Variants in MAP2K3 observed in about 807,000 individuals in gnomAD.
MAP2K3 encodes the protein dual specificity mitogen-activated protein kinase kinase 3.
MAP2K3 carries 30 observed loss-of-function variants against 46.4 expected under a neutral mutation model. That is an observed-to-expected ratio of 0.65 (90% CI 0.48 to 0.88). The LOEUF is 0.88. MAP2K3 is among the 40% of genes least tolerant of loss of function. MAP2K3 has a pLI of 0.00. For synonymous variants in MAP2K3, 189 were observed against 176.3 expected (o/e 1.07, Z -0.57); for missense variants, 380 against 464.5 (o/e 0.82, Z 1.67).
chr17:21,284,986 G>A lies in MAP2K3; in HGVS notation c.49+17G>A. 1.2e-6 allele frequency: 2 copies of A among 1,604,880 alleles called. No homozygotes were observed. The highest frequency in any genetic ancestry group is 1.1e-5 in the South Asian group (1 of 89,432). ...AGTCCAAAGGTAGGCGCTCCCGGCC[G>A]GGACCTCGGCCTGACCCCGCGCCTA... On this transcript the variant is annotated intron_variant, in intron 1 of 11. Transcript: ENST00000342679.
intron 1 of MAP2K3, among the ~76,000 whole-genome samples, chr17:21,290,737 G>A (rs1056321255): frequency 6.6e-6 from 1 of 152,312 alleles, no homozygotes; most frequent in African/African-American, 2.4e-5. Flanking sequence ...ATCATTTGAG[G>A]GCAGGAGTTC....
At chr17:21,298,046 A>ACCCCCGCTGGG (rs1976359890) in intron 1 of MAP2K3, among the ~76,000 whole-genome samples, 1 of 152,306 alleles carries the variant, frequency 6.6e-6, no homozygotes, top group African/African-American at 2.4e-5. Flanking sequence ...TGCTGGCTGG[A>ACCCCCGCTGGG]CCCCCGCTGG....
At chr17:21,295,723 G>A (rs1350320249) in intron 1 of MAP2K3, 3 of 1,289,452 alleles carry the variant, frequency 2.3e-6, no homozygotes, top group African/African-American at 1.5e-5. Context: ...CCTGCGAGGA[G>A]CGTGGTCCCC....
At chr17:21,298,611 A>C (rs1976403606) in intron 2 of MAP2K3, 132 bp downstream of exon 2, 2 of 1,464,204 alleles carry the variant, frequency 1.4e-6, no homozygotes, top group Admixed American at 1.7e-5. Flanking sequence ...CCTGCTGTGC[A>C]TACAGCCAGG....
chr17:21,298,783 G>A (rs879765744), intron 2 of MAP2K3, 95 bp from the exon 3 acceptor site: 14,385 of 1,564,234 alleles, frequency 9.2e-3, no homozygotes, highest in Non-Finnish European at 0.011. Context: ...GAGGCACCTC[G>A]TCCCCACGCC....
At chr17:21,301,101 G>T (rs1001042592) in intron 5 of MAP2K3, 108 bp downstream of exon 5, 2 of 1,568,064 alleles carry the variant, frequency 1.3e-6, no homozygotes, top group African/African-American at 1.4e-5. Context: ...GGGACACCTG[G>T]CATACTGGCA....
At chr17:21,296,236 G>C (rs1437429241) in intron 1 of MAP2K3, 34 of 1,273,564 alleles carry the variant, frequency 2.7e-5, no homozygotes, top group Middle Eastern at 2.7e-4. Context: ...GCCTCGAGCT[G>C]TTTTGTACAT....
At chr17:21,294,757 A>G (rs1257728878) in intron 1 of MAP2K3, among the ~76,000 whole-genome samples, 3 of 152,312 alleles carry the variant, frequency 2.0e-5, no homozygotes, top group African/African-American at 4.8e-5. Context: ...AGATGGCCCC[A>G]TCTAATCTCC....
rs762132100 is a variant in MAP2K3 at position 21,284,944 on chromosome 17, G to C, written c.24G>C (p.Gln8His). 43 of 1,612,122 alleles carry C rather than the reference G, an allele frequency of 2.7e-5. No individual in the cohort carries two copies. Among genetic ancestry groups the C allele is most frequent in the Non-Finnish European group, 3.6e-5 (42 of 1,179,650 alleles). Residue 8 changes from glutamine to histidine, a missense_variant, in exon 1 of 12, where the codon CAG becomes CAC. By Grantham distance (24) the Gln-to-His change is conservative. Transcript: ENST00000342679. MESPASSQPASMPQSKGK... is the reference protein window; with the variant it reads MESPASSHPASMPQSKGK... Reference sequence around the variant, plus strand: ...GCATGGAGTCGCCCGCCTCGAGCCAGCCCGCCAGCATGCCCCAGTCCAAAG... The same window carrying C: ...GCATGGAGTCGCCCGCCTCGAGCCACCCCGCCAGCATGCCCCAGTCCAAAG...
At position 21,312,299 on chromosome 17, in the gene MAP2K3, C is replaced by T; in HGVS notation, c.914+18C>T. On this transcript the variant is annotated intron_variant, in intron 10 of 11. Transcript: ENST00000342679. Reference sequence around the variant, plus strand: ...GCTCAGTGGTGAGTCTTGGGTGCTGCTGAGCGCCTGCCACTGCCCCTCCCT... The same window carrying T: ...GCTCAGTGGTGAGTCTTGGGTGCTGTTGAGCGCCTGCCACTGCCCCTCCCT... 1 of 1,572,616 alleles carries T rather than the reference C, an allele frequency of 6.4e-7. No individual in the cohort carries two copies. The highest frequency in any genetic ancestry group is 8.6e-7 in the Non-Finnish European group (1 of 1,165,158).
At chr17:21,298,267 C>G (rs11651154) in intron 1 of MAP2K3, 146 bp from the exon 2 acceptor site, 3 of 1,147,842 alleles carry the variant, frequency 2.6e-6, no homozygotes, top group South Asian at 1.2e-5. Flanking sequence ...GAAGGCCTAA[C>G]GGCCTGGCTT....
At chr17:21,309,574 T>C (rs1391312442) in intron 9 of MAP2K3, among the ~76,000 whole-genome samples, 1 of 151,876 alleles carries the variant, frequency 6.6e-6, no homozygotes, top group Non-Finnish European at 1.5e-5. Context: ...ATAAAATACG[T>C]TTTATTAAAA....
chr17:21,298,581 TCGTCC>T, intron 2 of MAP2K3, 102 bp downstream of exon 2: 2 of 1,584,556 alleles, frequency 1.3e-6, no homozygotes, highest in Non-Finnish European at 1.7e-6. Context: ...CTGCTTTACC[TCGTCC>T]TGTCCTGGGC....
chr17:21,284,840 C>T lies in MAP2K3; in HGVS notation c.-81C>T. 2 of 1,490,894 alleles carry T rather than the reference C, an allele frequency of 1.3e-6. No individual in the cohort carries two copies. The highest frequency in any genetic ancestry group is 1.8e-6 in the Non-Finnish European group (2 of 1,101,970). The allele number at this position is 1,490,894 out of a possible 1,614,324, so 92.4% of individuals were successfully genotyped here. A position where few individuals can be genotyped will look rare whatever the true frequency, so the allele number is the denominator to read the frequency against. Reference sequence around the variant, plus strand: ...CCGCCTGGCCTGGGCCGTCTGCCCGCAGCCATGAGCGTGCTCGGCCCCGGT... The same window carrying T: ...CCGCCTGGCCTGGGCCGTCTGCCCGTAGCCATGAGCGTGCTCGGCCCCGGT... On this transcript the variant is annotated 5_prime_UTR_variant, in exon 1 of 12. Coordinates refer to ENST00000342679, the MANE Select transcript of MAP2K3 (RefSeq NM_145109.3).
chr17:21,304,628 G>C (rs1976792577), intron 8 of MAP2K3, 75 bp downstream of exon 8: 2 of 1,598,608 alleles, frequency 1.3e-6, no homozygotes, highest in African/African-American at 2.7e-5. Flanking sequence ...GGCCACCCCG[G>C]CCATACCCTC....
chr17:21,301,873 T>G, intron 5 of MAP2K3, among the ~76,000 whole-genome samples: 1 of 152,308 alleles, frequency 6.6e-6, no homozygotes. Context: ...CCAGCGAGGC[T>G]GTGTGCTAAT....
At position 21,295,488 on chromosome 17, in the gene MAP2K3, G is replaced by A. The variant is rs1346125156; in HGVS notation, c.50-2925G>A. 1.7e-3 allele frequency: 1,464 copies of A among 839,968 alleles called. No individual in the cohort carries two copies. In the African/African-American group the frequency reaches 0.026, roughly 15 times the overall value. 52.0% of individuals were successfully genotyped at this position (839,968 alleles called of 1,614,324 possible). A position where few individuals can be genotyped will look rare whatever the true frequency, so the allele number is the denominator to read the frequency against. ...GCCTCTGTTTGTTGTGGTGATGGTT[G>A]CCACAACGGCTGCACCTGGGCAGCC... On this transcript the variant is annotated intron_variant, in intron 1 of 11. Coordinates refer to ENST00000342679, the MANE Select transcript of MAP2K3 (RefSeq NM_145109.3).
chr17:21,313,499 A>G lies in MAP2K3; in HGVS notation c.922A>G (p.Lys308Glu), dbSNP rs777065859. 1.9e-6 allele frequency: 3 copies of G among 1,612,944 alleles called. No individual in the cohort carries two copies. Among genetic ancestry groups the G allele is most frequent in the Non-Finnish European group, 2.5e-6 (3 of 1,179,862 alleles). Residue 308 changes from lysine (K) to glutamate (E), a missense_variant, in exon 11 of 12, where the codon AAG becomes GAG. Physicochemically the swap from Lys to Glu is moderately conservative, Grantham distance 56 (BLOSUM62 1). Coordinates refer to ENST00000342679, the MANE Select transcript of MAP2K3 (RefSeq NM_145109.3). ...FVDFTAQCLR[K>E]NPAERMSYLE... The stretch of plus-strand genomic sequence containing the variant: ...TGCACTATTCTCTCCTAGCCTGAGG[A>G]AGAACCCCGCAGAGCGTATGAGCTA...
At chr17:21,306,808 G>C (rs569093236) in intron 9 of MAP2K3, among the ~76,000 whole-genome samples, 674 of 152,378 alleles carry the variant, frequency 4.4e-3, no homozygotes, top group African/African-American at 0.014. Context: ...TTTTGTGAGA[G>C]AGGGTCTCAC....
Sources: gnomAD v4.1 joint callset for allele counts (sites outside exome capture counted in the v4.1 genomes callset) on GRCh38, gnomAD v4.1.1 for gene constraint, MANE v1.5 for transcripts, NCBI Gene and HGNC (gene_info 2026-07-23, HGNC 2026-07-21) for gene names.